Variants in AGPAT4 observed in about 807,000 individuals in gnomAD.
AGPAT4 encodes the protein 1-acylglycerol-3-phosphate O-acyltransferase 4, also known as 1-acyl-sn-glycerol-3-phosphate acyltransferase delta.
Under a neutral mutation model 48.0 loss-of-function variants are expected in AGPAT4, and 15 were observed. The observed-to-expected ratio is 0.31, with a 90% CI of 0.21 to 0.48. The LOEUF (loss-of-function observed/expected upper bound fraction) is 0.48. Ranked by LOEUF, AGPAT4 falls within the 20% of genes least tolerant of loss-of-function variation. The pLI, the probability that AGPAT4 is intolerant of heterozygous loss-of-function variation, is 0.99. For missense variants in AGPAT4, 314 were observed against 482.5 expected (o/e 0.65, Z 3.27); for synonymous variants, 178 against 198.7 (o/e 0.90, Z 0.88).
rs1010865903 is a variant in AGPAT4 at position 161,170,467 on chromosome 6, GCGCGCGCA to G, written c.179-4058_179-4051del. 5.8e-4 allele frequency among the ~76,000 whole-genome samples: 13 copies of G among 22,314 alleles called. No homozygotes were observed. In the East Asian group the frequency reaches 0.012, roughly 20 times the overall value. 14.6% of individuals were successfully genotyped at this position (22,314 alleles called of 152,430 possible). Reference sequence around the variant, plus strand: ...TATACACATGCGCGTGCACACGTGCGCGCGCGCACACACACACACACACACACACACAC... The same window carrying G: ...TATACACATGCGCGTGCACACGTGCGCACACACACACACACACACACACAC... On this transcript the variant is annotated intron_variant, in intron 2 of 8. Transcript: ENST00000320285.
chr6:161,190,026 T>C (rs536267133), intron 2 of AGPAT4, among the ~76,000 whole-genome samples: 2 of 152,234 alleles, frequency 1.3e-5, no homozygotes, highest in Non-Finnish European at 2.9e-5. Flanking sequence ...GTCTATGAAA[T>C]ACAGGAATTA....
At chr6:161,185,151 A>G (rs544146037) in intron 2 of AGPAT4, among the ~76,000 whole-genome samples, 17 of 152,050 alleles carry the variant, frequency 1.1e-4, no homozygotes, top group African/African-American at 4.1e-4. Flanking sequence ...TTAAAAAAAA[A>G]AAAAAAAACA....
intron 2 of AGPAT4, among the ~76,000 whole-genome samples, chr6:161,193,767 G>A (rs11756131): frequency 0.32 from 49,210 of 152,074 alleles, 8,390 homozygotes; most frequent in East Asian, 0.67. Flanking sequence ...CCTCAGCAAC[G>A]CTGTGGTGCC....
Position 161,267,980 on chromosome 6 carries a change from T to C in AGPAT4, c.-90+5958A>G, listed in dbSNP as rs780454368. ...GGCATGGGAGACAGACTGTGGAATA[T>C]GCCATGGCAAGGTGTGAAGGTACAG... On this transcript the variant is annotated intron_variant, in intron 1 of 8. Coordinates refer to ENST00000320285, the MANE Select transcript of AGPAT4 (RefSeq NM_020133.3). This position sits in a 1 kb window ranked among gnomAD's most constrained non-coding sequence, Gnocchi z 5.2. Among the ~76,000 whole-genome samples, 1 of 152,214 alleles carries C rather than the reference T, an allele frequency of 6.6e-6. No individual in the cohort carries two copies. The highest frequency in any genetic ancestry group is 2.4e-5 in the African/African-American group (1 of 41,456).
rs1305481067 is a variant in AGPAT4, at chr6:161,270,711, G to A, written c.-90+3227C>T. Among the ~76,000 whole-genome samples the A allele has an allele frequency of 1.9e-4, 29 of 152,192 alleles. No homozygotes were observed. Among genetic ancestry groups the A allele is most frequent in the Admixed American group, 1.8e-3 (27 of 15,284 alleles). On this transcript the variant is annotated intron_variant, in intron 1 of 8. Transcript: ENST00000320285. The surrounding 1 kb of genome is among the most constrained non-coding windows in gnomAD (Gnocchi z 5.3). ...GCAGGAGAATCGCTTGAATCCAGGA[G>A]GGGGAGGTTGTGGTGAGCCGAGATC...
At chr6:161,211,766 A>C (rs1360460658) in intron 2 of AGPAT4, among the ~76,000 whole-genome samples, 1 of 152,168 alleles carries the variant, frequency 6.6e-6, no homozygotes, top group Non-Finnish European at 1.5e-5. Context: ...AGTACTTGTG[A>C]CACTGAGTTA....
In AGPAT4 at chr6:161,223,967, T is replaced by G. The variant is rs1376270898; in HGVS notation, c.178+8069A>C. Among the ~76,000 whole-genome samples the G allele has an allele frequency of 6.6e-6, 1 of 152,210 alleles. No homozygotes were observed. The highest frequency in any genetic ancestry group is 1.9e-4 in the East Asian group (1 of 5,202). On this transcript the variant is annotated intron_variant, in intron 2 of 8. Coordinates refer to ENST00000320285, the MANE Select transcript of AGPAT4 (RefSeq NM_020133.3). The surrounding 1 kb of genome is among the most constrained non-coding windows in gnomAD (Gnocchi z 6.3). ...AGAATAAAAAGGCAGAATCAGGAAG[T>G]GTTGTTCCTCTTAGCCTGCACGGAT... is the stretch of plus-strand genomic sequence containing the variant.
intron 1 of AGPAT4, among the ~76,000 whole-genome samples, chr6:161,268,412 A>T (rs912529244): frequency 6.6e-6 from 1 of 152,230 alleles, no homozygotes; most frequent in Admixed American, 6.5e-5. Context: ...TGCGTGTGCC[A>T]TGATGGTTTG....
Position 161,132,916 on chromosome 6 carries a change from A to T in AGPAT4, c.*3624T>A. The T allele has an allele frequency of 6.6e-6, 1 of 152,228 alleles. No homozygotes were observed. The highest frequency in any genetic ancestry group is 1.9e-4 in the East Asian group (1 of 5,196). The allele number at this position is 152,228 out of a possible 1,614,324, so 9.4% of individuals were successfully genotyped here. A position where few individuals can be genotyped will look rare whatever the true frequency, so the allele number is the denominator to read the frequency against. On this transcript the variant is annotated 3_prime_UTR_variant, in exon 9 of 9. Coordinates refer to ENST00000320285, the MANE Select transcript of AGPAT4 (RefSeq NM_020133.3). ...GTCTTGCTTTCATGTTCTTTTAAACACAAATGGCAGCTCACAAATATTCCT... is the reference window on the plus strand; with the variant it reads ...GTCTTGCTTTCATGTTCTTTTAAACTCAAATGGCAGCTCACAAATATTCCT...
rs1779234025 is a variant in AGPAT4 at position 161,141,091 on chromosome 6, A to G, written c.844-1471T>C. ...TTTTTCATTCAGGGTGTACTGAATC[A>G]TAGGCTTTCTTGGCCTCTCAGAGGC... is the stretch of plus-strand genomic sequence containing the variant. On this transcript the variant is annotated intron_variant, in intron 7 of 8. Transcript: ENST00000320285. The surrounding 1 kb of genome is among the most constrained non-coding windows in gnomAD (Gnocchi z 6.7). Among the ~76,000 whole-genome samples, 1 of 152,100 alleles carries G rather than the reference A, an allele frequency of 6.6e-6. No individual in the cohort carries two copies. Among genetic ancestry groups the G allele is most frequent in the Admixed American group, 6.5e-5 (1 of 15,274 alleles).
Position 161,196,609 on chromosome 6 carries a change from A to G in AGPAT4, c.179-30192T>C, listed in dbSNP as rs1242288348. ...GATCACTTGAGGTCAAGAGTTCGAG[A>G]CCAGCCTGGCCAACATGGTGAAACC... On this transcript the variant is annotated intron_variant, in intron 2 of 8. Transcript: ENST00000320285. The surrounding 1 kb of genome is among the most constrained non-coding windows in gnomAD (Gnocchi z 4.3). Among the ~76,000 whole-genome samples, 4 of 151,978 alleles carry G rather than the reference A, an allele frequency of 2.6e-5. No individual in the cohort carries two copies. Among genetic ancestry groups the G allele is most frequent in the African/African-American group, 9.7e-5 (4 of 41,382 alleles).
chr6:161,154,198 G>C lies in AGPAT4; in HGVS notation c.461C>G (p.Thr154Arg). The C allele has an allele frequency of 6.2e-7, 1 of 1,614,138 alleles. No homozygotes were observed. The highest frequency in any genetic ancestry group is 1.7e-5 in the Admixed American group (1 of 60,026). The change falls in exon 4 of 9, where the codon ACG becomes AGG. Residue 154 changes from threonine to arginine, a missense_variant. Physicochemically the swap from Thr to Arg is moderately conservative, Grantham distance 71. Transcript: ENST00000320285. This position sits in a 1 kb window ranked among gnomAD's most constrained non-coding sequence, Gnocchi z 7.8. ...CSRKWEQDRK[T>R]VATSLQHLRD... is the part of the protein sequence containing the mutation. ...GAGGTGCTGCAAACTGGTGGCAACC[G>C]TCTTGCGATCCTGCTCCCACTTGCG...
chr6:161,229,786 C>T lies in AGPAT4; in HGVS notation c.178+2250G>A, dbSNP rs888709921. On this transcript the variant is annotated intron_variant, in intron 2 of 8. Transcript: ENST00000320285. This position sits in a 1 kb window ranked among gnomAD's most constrained non-coding sequence, Gnocchi z 6.0. ...TCCCGCTTCGGATTGTTTAAAAATG[C>T]TTCCACTATCGCTTGGCCCAAAGCC... Among the ~76,000 whole-genome samples the T allele has an allele frequency of 3.9e-5, 6 of 152,140 alleles. No individual in the cohort carries two copies. The highest frequency in any genetic ancestry group is 3.3e-4 in the Admixed American group (5 of 15,272).
Position 161,138,864 on chromosome 6 carries a change from A to C in AGPAT4, c.1042+558T>G, listed in dbSNP as rs1481349474. On this transcript the variant is annotated intron_variant, in intron 8 of 8. Transcript: ENST00000320285. This position sits in a 1 kb window ranked among gnomAD's most constrained non-coding sequence, Gnocchi z 4.8. ...GGCTGCCCCGCCAGAGGCAAGGAGC[A>C]GGGTGCACAGGGGCTTGCCACCAAG... 2.0e-5 allele frequency among the ~76,000 whole-genome samples: 3 copies of C among 152,070 alleles called. No individual in the cohort carries two copies. Among genetic ancestry groups the C allele is most frequent in the African/African-American group, 4.8e-5 (2 of 41,410 alleles).
chr6:161,184,315 G>A lies in AGPAT4; in HGVS notation c.179-17898C>T, dbSNP rs1780701305. ...GGCAGAGCCAGTGGAACTTGCTGTT[G>A]GGTTCAACGTGGTGTAAGAGACAGA... On this transcript the variant is annotated intron_variant, in intron 2 of 8. Transcript: ENST00000320285. The surrounding 1 kb of genome is among the most constrained non-coding windows in gnomAD (Gnocchi z 4.8). 6.6e-6 allele frequency among the ~76,000 whole-genome samples: 1 copy of A among 152,060 alleles called. No individual in the cohort carries two copies. The highest frequency in any genetic ancestry group is 2.1e-4 in the South Asian group (1 of 4,820).
chr6:161,251,003 C>A lies in AGPAT4; in HGVS notation c.-89-18701G>T, dbSNP rs1171814942. On this transcript the variant is annotated intron_variant, in intron 1 of 8. Coordinates refer to ENST00000320285, the MANE Select transcript of AGPAT4 (RefSeq NM_020133.3). This position sits in a 1 kb window ranked among gnomAD's most constrained non-coding sequence, Gnocchi z 4.6. ...CGCCTATTCCATTTAGAGTGACCAA[C>A]TTTTTCAGTTTGTTTATTTTTATTC... Among the ~76,000 whole-genome samples, 1 of 152,100 alleles carries A rather than the reference C, an allele frequency of 6.6e-6. No homozygotes were observed. Among genetic ancestry groups the A allele is most frequent in the African/African-American group, 2.4e-5 (1 of 41,418 alleles).
Position 161,267,658 on chromosome 6 carries a change from G to A in AGPAT4, c.-90+6280C>T, listed in dbSNP as rs1404237340. 6.6e-6 allele frequency among the ~76,000 whole-genome samples: 1 copy of A among 151,910 alleles called. No individual in the cohort carries two copies. Among genetic ancestry groups the A allele is most frequent in the Non-Finnish European group, 1.5e-5 (1 of 67,984 alleles). On this transcript the variant is annotated intron_variant, in intron 1 of 8. Transcript: ENST00000320285. The surrounding 1 kb of genome is among the most constrained non-coding windows in gnomAD (Gnocchi z 5.2). ...AATCGCTTGAACCCAGGAGGCAGAG[G>A]TTGCAGTGAGCCAAGACTGCGCCAT...
Position 161,180,809 on chromosome 6 carries a change from A to T in AGPAT4, c.179-14392T>A, listed in dbSNP as rs1484926969. Among the ~76,000 whole-genome samples, 1 of 152,198 alleles carries T rather than the reference A, an allele frequency of 6.6e-6. No individual in the cohort carries two copies. Among genetic ancestry groups the T allele is most frequent in the African/African-American group, 2.4e-5 (1 of 41,450 alleles). On this transcript the variant is annotated intron_variant, in intron 2 of 8. Transcript: ENST00000320285. This position sits in a 1 kb window ranked among gnomAD's most constrained non-coding sequence, Gnocchi z 6.4. ...CTCACAACACCCTCACCTGGAGGTC[A>T]GTCGTCAAGTTACAGGGTGCCCACC...
rs758508655 is a variant in AGPAT4, at chr6:161,164,297, G to A, written c.348+1951C>T. On this transcript the variant is annotated intron_variant, in intron 3 of 8. Transcript: ENST00000320285. This position sits in a 1 kb window ranked among gnomAD's most constrained non-coding sequence, Gnocchi z 7.4. Reference sequence around the variant, plus strand: ...TTCTCCCTCATCTGTGCCTGTCCCCGTGCCTGCTAGTGCTGGGCATCTGGG... The same window carrying A: ...TTCTCCCTCATCTGTGCCTGTCCCCATGCCTGCTAGTGCTGGGCATCTGGG... Among the ~76,000 whole-genome samples, 6 of 152,150 alleles carry A rather than the reference G, an allele frequency of 3.9e-5. No individual in the cohort carries two copies. The highest frequency in any genetic ancestry group is 8.8e-5 in the Non-Finnish European group (6 of 68,026).
Sources: gnomAD v4.1 joint callset for allele counts (sites outside exome capture counted in the v4.1 genomes callset) on GRCh38, gnomAD v4.1.1 for gene constraint, Gnocchi (gnomAD v3.1) non-coding constraint, MANE v1.5 for transcripts, NCBI Gene and HGNC (gene_info 2026-07-23, HGNC 2026-07-21) for gene names.